FOXI1: variants seen among roughly 807,000 people sequenced by gnomAD.
FOXI1 encodes forkhead box protein I1.
FOXI1 carries 11 observed loss-of-function variants against 16.4 expected under a neutral mutation model. The ratio of observed to expected loss-of-function variants is 0.67; its 90% confidence interval spans 0.42 to 1.11. FOXI1 has a LOEUF of 1.11. FOXI1 is among the 50% of genes least tolerant of loss of function. The pLI is 0.00. For missense variants in FOXI1, 480 were observed against 506.1 expected, an observed-to-expected ratio of 0.95 and a Z score of 0.49; for synonymous variants, 218 against 211.5, an observed-to-expected ratio of 1.03 and a Z score of -0.27.
At position 170,108,651 on chromosome 5, in the gene FOXI1, G is replaced by A. The variant is rs778263183; in HGVS notation, c.*40G>A. 4 of 1,519,928 alleles carry A rather than the reference G, an allele frequency of 2.6e-6. No homozygotes were observed. In the East Asian group the frequency reaches 6.7e-5, roughly 26 times the overall value. 94.2% of individuals were successfully genotyped at this position (1,519,928 alleles called of 1,614,324 possible). A position where few individuals can be genotyped will look rare whatever the true frequency, so the allele number is the denominator to read the frequency against. The stretch of plus-strand genomic sequence containing the variant: ...CTGAGCCAGGTGGACATGCCAGAGA[G>A]AAAAGCAGTAGAGGTCCTCCATGCC... On this transcript the variant is annotated 3_prime_UTR_variant, in exon 2 of 2. Coordinates refer to ENST00000306268, the MANE Select transcript of FOXI1 (RefSeq NM_012188.5).
At position 170,108,754 on chromosome 5, in the gene FOXI1, A is replaced by G. The variant is rs55762796; in HGVS notation, c.*143A>G. On this transcript the variant is annotated 3_prime_UTR_variant, in exon 2 of 2. Transcript: ENST00000306268. ...CCGAGGAATCCACCCTCTTTCTAGA[A>G]CACTGGTTAAGGCTTCTGTTTATCA... 4.9e-5 allele frequency: 34 copies of G among 694,696 alleles called. No individual in the cohort carries two copies. The African/African-American group carries it at 4.9e-4, about 10-fold the overall frequency. The allele number at this position is 694,696 out of a possible 1,614,324, so 43.0% of individuals were successfully genotyped here.
chr5:170,109,541 C>CT lies in FOXI1; in HGVS notation c.*938dup, dbSNP rs3839285. 42,585 of 151,692 alleles carry CT rather than the reference C, an allele frequency of 0.28. 7,789 individuals are homozygous for CT. Among genetic ancestry groups the CT allele is most frequent in the African/African-American group, 0.51 (21,213 of 41,290 alleles). 9.4% of individuals were successfully genotyped at this position (151,692 alleles called of 1,614,324 possible). ...AGAAACAAGGTTGGATAAGCGCTTC[C>CT]TTTTTTTTAGCCCAGGAGAGGTGGA... On this transcript the variant is annotated 3_prime_UTR_variant, in exon 2 of 2. Coordinates refer to ENST00000306268, the MANE Select transcript of FOXI1 (RefSeq NM_012188.5).
In FOXI1 at chr5:170,108,549, C is replaced by T; in HGVS notation, c.1075C>T (p.His359Tyr). ...ATCTGTGCTCAGCCAATTCAGCCCT[C>T]ACTTCTACAACAGTGTCAACACCAG... is the stretch of plus-strand genomic sequence containing the variant. Reference protein sequence around the residue: ...GGSVLSQFSPHFYNSVNTSGV... With the variant: ...GGSVLSQFSPYFYNSVNTSGV... Residue 359 changes from histidine (H) to tyrosine (Y), a missense_variant, in exon 2 of 2, where the codon CAC becomes TAC. Physicochemically the swap from His to Tyr is moderately conservative, Grantham distance 83 (BLOSUM62 2). This residue lies in a region of FOXI1 where 257 missense variants were observed against 262.2 expected (regional missense o/e 0.98). Coordinates refer to ENST00000306268, the MANE Select transcript of FOXI1 (RefSeq NM_012188.5). 6.2e-7 allele frequency: 1 copy of T among 1,613,240 alleles called. No individual in the cohort carries two copies. Among genetic ancestry groups the T allele is most frequent in the Middle Eastern group, 1.7e-4 (1 of 6,060 alleles).
chr5:170,107,986 G>A (rs1039466950), intron 1 of FOXI1, 63 bp from the exon 2 acceptor site: 15 of 1,303,640 alleles, frequency 1.2e-5, no homozygotes, highest in East Asian at 2.3e-5. Context: ...ATGACAATAA[G>A]GAGGAACAGA....
chr5:170,108,344 C>T lies in FOXI1; in HGVS notation c.870C>T (p.Ser290=), dbSNP rs577415258. 1.7e-4 allele frequency: 273 copies of T among 1,614,100 alleles called. No homozygotes were observed. The highest frequency in any genetic ancestry group is 2.1e-4 in the Non-Finnish European group (246 of 1,180,016). The change falls in exon 2 of 2, where the codon AGC becomes AGT. Residue 290 remains serine, a synonymous_variant. Transcript: ENST00000306268. ...TTTCCTCTATGACAGCCTATGTGAG[C>T]GGGGGGAGCCCCACGAGCCACCCCT... ...SFLSSMTAYV[S]GGSPTSHPLV...
rs550209761 is a variant in FOXI1 at position 170,106,188 on chromosome 5, C to G, written c.231C>G (p.Pro77=). 128 of 1,587,904 alleles carry G rather than the reference C, an allele frequency of 8.1e-5. No homozygotes were observed. The African/African-American group carries it at 1.7e-3, about 21-fold the overall frequency. ...CCATGACCCCGCCACCCTACCTGCC[C>G]GGCCCCAACGCCAGCCCCTTCCTGC... ...GPTMTPPPYL[P]GPNASPFLPQ... is the part of the protein sequence containing the mutation. Residue 77 remains proline, a synonymous_variant, in exon 1 of 2, where the codon CCC becomes CCG. Coordinates refer to ENST00000306268, the MANE Select transcript of FOXI1 (RefSeq NM_012188.5).
chr5:170,108,811 T>A lies in FOXI1; in HGVS notation c.*200T>A. The A allele has an allele frequency of 1.6e-6, 1 of 608,566 alleles. No homozygotes were observed. Among genetic ancestry groups the A allele is most frequent in the Non-Finnish European group, 2.9e-6 (1 of 341,996 alleles). 37.7% of individuals were successfully genotyped at this position (608,566 alleles called of 1,614,324 possible). A position where few individuals can be genotyped will look rare whatever the true frequency, so the allele number is the denominator to read the frequency against. On this transcript the variant is annotated 3_prime_UTR_variant, in exon 2 of 2. Transcript: ENST00000306268. ...GGCCCACACACAGACTCACCAACTT[T>A]GCAATAGAAATACTGGTGCCTGCAG...
chr5:170,109,046 A>AT lies in FOXI1; in HGVS notation c.*435_*436insT, dbSNP rs1758589627. 1 of 165,416 alleles carries AT rather than the reference A, an allele frequency of 6.0e-6. No individual in the cohort carries two copies. The highest frequency in any genetic ancestry group is 6.0e-5 in the Admixed American group (1 of 16,590). 10.2% of individuals were successfully genotyped at this position (165,416 alleles called of 1,614,324 possible). A position where few individuals can be genotyped will look rare whatever the true frequency, so the allele number is the denominator to read the frequency against. ...GGTCTATGTGATCCTCAGAGATTGG[A>AT]GGCCGGGATGGAGAATTGGTTGAGT... On this transcript the variant is annotated 3_prime_UTR_variant, in exon 2 of 2. Coordinates refer to ENST00000306268, the MANE Select transcript of FOXI1 (RefSeq NM_012188.5).
At chr5:170,107,859 G>A (rs544050280) in intron 1 of FOXI1, among the ~76,000 whole-genome samples, 190 bp from the exon 2 acceptor site, 27 of 152,272 alleles carry the variant, frequency 1.8e-4, no homozygotes, top group South Asian at 1.0e-3. Flanking sequence ...CCCTGTCATG[G>A]GCTGCTTAAT....
intron 1 of FOXI1, among the ~76,000 whole-genome samples, chr5:170,107,721 T>C (rs907204539): frequency 6.6e-6 from 1 of 152,246 alleles, no homozygotes; most frequent in African/African-American, 2.4e-5. Flanking sequence ...TCCTTCAGCA[T>C]TGAAAGCCCT....
At position 170,108,285 on chromosome 5, in the gene FOXI1, C is replaced by A; in HGVS notation, c.811C>A (p.Pro271Thr). ...TSSPEKRPSPPPSGAPCLNSF... is the reference protein window; with the variant it reads ...TSSPEKRPSPTPSGAPCLNSF... ...CTCCCCAGAGAAGCGGCCCTCCCCT[C>A]CCCCATCAGGCGCCCCTTGCCTTAA... The change falls in exon 2 of 2, where the codon CCC (proline) becomes ACC (threonine). Residue 271 changes from proline (P) to threonine (T), a missense_variant. Coordinates refer to ENST00000306268, the MANE Select transcript of FOXI1 (RefSeq NM_012188.5). 6.2e-7 allele frequency: 1 copy of A among 1,614,138 alleles called. No individual in the cohort carries two copies. Among genetic ancestry groups the A allele is most frequent in the Non-Finnish European group, 8.5e-7 (1 of 1,179,994 alleles).
In FOXI1 at chr5:170,108,486, G is replaced by A. The variant is rs763981882; in HGVS notation, c.1012G>A (p.Ala338Thr). The part of the protein sequence containing the change: ...LSNHSGGGDW[A>T]NPMPTNMLSY... ...CAACCACAGCGGTGGGGGTGACTGG[G>A]CGAACCCCATGCCCACCAACATGCT... The change falls in exon 2 of 2, where the codon GCG becomes ACG. Residue 338 changes from alanine to threonine, a missense_variant. Physicochemically the swap from Ala to Thr is moderately conservative, Grantham distance 58 (BLOSUM62 0). Transcript: ENST00000306268. The A allele has an allele frequency of 9.4e-6, 15 of 1,601,876 alleles. No individual in the cohort carries two copies. The highest frequency in any genetic ancestry group is 1.1e-5 in the Non-Finnish European group (13 of 1,172,242).
rs1384425039 is a variant in FOXI1, at chr5:170,106,052, A to G, written c.95A>G (p.Tyr32Cys). Residue 32 changes from tyrosine to cysteine, a missense_variant, in exon 1 of 2, where the codon TAT becomes TGT. Transcript: ENST00000306268. The stretch of plus-strand genomic sequence containing the variant: ...GAGCCCCCCGAGATGAACCTCTACT[A>G]TGAGAACTTCTTCCACCCACAGGGC... ...GQEPPEMNLY[Y>C]ENFFHPQGVP... The G allele has an allele frequency of 1.9e-6, 3 of 1,612,840 alleles. No homozygotes were observed. The highest frequency in any genetic ancestry group is 2.2e-5 in the East Asian group (1 of 44,826).
Position 170,106,527 on chromosome 5 carries a change from C to A in FOXI1, c.570C>A (p.Asp190Glu). 6.2e-7 allele frequency: 1 copy of A among 1,614,236 alleles called. No individual in the cohort carries two copies. Among genetic ancestry groups the A allele is most frequent in the Non-Finnish European group, 8.5e-7 (1 of 1,180,042 alleles). Residue 190 changes from aspartate to glutamate, a missense_variant, in exon 1 of 2, where the codon GAC becomes GAA. Asp to Glu is a conservative substitution (Grantham distance 45). Transcript: ENST00000306268. ...CFKKVPRDEDDPGKGNYWTLD... is the reference protein window; with the variant it reads ...CFKKVPRDEDEPGKGNYWTLD... Reference sequence around the variant, plus strand: ...AGAAGGTGCCCCGCGACGAGGACGACCCGGGTAAGGAGGCTTTGAGTGTGG... The same window carrying A: ...AGAAGGTGCCCCGCGACGAGGACGAACCGGGTAAGGAGGCTTTGAGTGTGG...
In FOXI1 at chr5:170,106,385, G is replaced by A. The variant is rs534008931; in HGVS notation, c.428G>A (p.Arg143His). ...AMAIHGAPDKRLTLSQIYQYV... is the reference protein window; with the variant it reads ...AMAIHGAPDKHLTLSQIYQYV... ...GCCATCCACGGGGCACCCGACAAGCGCCTCACTCTCAGCCAGATCTACCAG... is the reference window on the plus strand; with the variant it reads ...GCCATCCACGGGGCACCCGACAAGCACCTCACTCTCAGCCAGATCTACCAG... The change falls in exon 1 of 2, where the codon CGC (arginine) becomes CAC (histidine). Residue 143 changes from arginine (R) to histidine (H), a missense_variant. Physicochemically the swap from Arg to His is conservative, Grantham distance 29. Transcript: ENST00000306268. 3 of 1,613,994 alleles carry A rather than the reference G, an allele frequency of 1.9e-6. No individual in the cohort carries two copies. Among genetic ancestry groups the A allele is most frequent in the Admixed American group, 1.7e-5 (1 of 60,006 alleles).
rs377532550 is a variant in FOXI1 at position 170,108,112 on chromosome 5, G to A, written c.638G>A (p.Arg213His). 5.6e-6 allele frequency: 9 copies of A among 1,614,110 alleles called. No individual in the cohort carries two copies. Among genetic ancestry groups the A allele is most frequent in the African/African-American group, 1.3e-5 (1 of 75,048 alleles). The change falls in exon 2 of 2, where the codon CGC becomes CAC. Residue 213 changes from arginine (R) to histidine (H), a missense_variant. Around this residue, in one of 3 missense-constraint regions of FOXI1, gnomAD observed 257 missense variants for 262.2 expected, o/e 0.98. Transcript: ENST00000306268. ...CEKMFDNGNF[R>H]RKRKRKSDVS... ...AAAATGTTCGACAATGGAAATTTCCGCAGGAAAAGGAAGAGAAAATCAGAT... is the reference window on the plus strand; with the variant it reads ...AAAATGTTCGACAATGGAAATTTCCACAGGAAAAGGAAGAGAAAATCAGAT...
intron 1 of FOXI1, chr5:170,107,083 A>G (rs1241638442): frequency 1.3e-5 from 9 of 712,604 alleles, no homozygotes; most frequent in African/African-American, 1.9e-5. Flanking sequence ...TAACCCGAAG[A>G]CACCCCTGCA....
Position 170,108,071 on chromosome 5 carries a change from G to C in FOXI1, c.597G>C (p.Leu199=). 2 of 1,613,948 alleles carry C rather than the reference G, an allele frequency of 1.2e-6. No homozygotes were observed. Among genetic ancestry groups the C allele is most frequent in the South Asian group, 2.2e-5 (2 of 91,074 alleles). Residue 199 remains leucine, a synonymous_variant, in exon 2 of 2, where the codon CTG becomes CTC. Coordinates refer to ENST00000306268, the MANE Select transcript of FOXI1 (RefSeq NM_012188.5). ...DDPGKGNYWT[L]DPNCEKMFDN... Reference sequence around the variant, plus strand: ...CAGGCAAAGGGAATTACTGGACCCTGGACCCCAACTGTGAGAAAATGTTCG... The same window carrying C: ...CAGGCAAAGGGAATTACTGGACCCTCGACCCCAACTGTGAGAAAATGTTCG...
In FOXI1 at chr5:170,106,379, A is replaced by C. The variant is rs1324786854; in HGVS notation, c.422A>C (p.Asp141Ala). The change falls in exon 1 of 2, where the codon GAC becomes GCC. Residue 141 changes from aspartate (D) to alanine (A), a missense_variant. Around this residue, in one of 3 missense-constraint regions of FOXI1, gnomAD observed 219 missense variants for 222.9 expected, o/e 0.98. Transcript: ENST00000306268. Reference protein sequence around the residue: ...LIAMAIHGAPDKRLTLSQIYQ... With the variant: ...LIAMAIHGAPAKRLTLSQIYQ... ...GCCATGGCCATCCACGGGGCACCCGACAAGCGCCTCACTCTCAGCCAGATC... is the reference window on the plus strand; with the variant it reads ...GCCATGGCCATCCACGGGGCACCCGCCAAGCGCCTCACTCTCAGCCAGATC... The C allele has an allele frequency of 3.1e-6, 5 of 1,613,862 alleles. No individual in the cohort carries two copies. The East Asian group carries it at 1.1e-4, about 36-fold the overall frequency.
Sources: gnomAD v4.1 joint callset for allele counts (sites outside exome capture counted in the v4.1 genomes callset) on GRCh38, gnomAD v4.1.1 for gene constraint, gnomAD v4.1.1 regional missense constraint, MANE v1.5 for transcripts, NCBI Gene and HGNC (gene_info 2026-07-23, HGNC 2026-07-21) for gene names.